ACSM1: variants seen among roughly 807,000 people sequenced by gnomAD.
The protein encoded by ACSM1 is acyl-coenzyme A synthetase ACSM1, mitochondrial.
A neutral mutation model predicts 75.8 loss-of-function variants in ACSM1; 79 were observed. That is an observed-to-expected ratio of 1.04 (90% CI 0.87 to 1.26). The LOEUF (loss-of-function observed/expected upper bound fraction) is 1.26. ACSM1 is among the 50% of genes most tolerant of loss of function. ACSM1 has a pLI of 0.00. For synonymous variants in ACSM1, 279 were observed against 265.8 expected, an observed-to-expected ratio of 1.05 and a Z score of -0.48; for missense variants, 676 against 720.1, an observed-to-expected ratio of 0.94 and a Z score of 0.70.
chr16:20,623,248 T>C lies in ACSM1; in HGVS notation c.*238A>G, dbSNP rs1166403847. 2.1e-6 allele frequency: 1 copy of C among 479,782 alleles called. No individual in the cohort carries two copies. The highest frequency in any genetic ancestry group is 3.8e-6 in the Non-Finnish European group (1 of 263,516). The allele number at this position is 479,782 out of a possible 1,614,324, so 29.7% of individuals were successfully genotyped here. A position where few individuals can be genotyped will look rare whatever the true frequency, so the allele number is the denominator to read the frequency against. ...CAACACAGGGTATTGTTGATATCAG[T>C]ATTTTATTACTTGCGTTATGAGTGC... On this transcript the variant is annotated 3_prime_UTR_variant, in exon 14 of 14. Coordinates refer to ENST00000520010, the MANE Select transcript of ACSM1 (RefSeq NM_001318890.3).
At chr16:20,655,204 T>C (rs1018995159) in intron 7 of ACSM1, among the ~76,000 whole-genome samples, 2 of 128,748 alleles carry the variant, frequency 1.6e-5, no homozygotes, top group Admixed American at 1.0e-4. Flanking sequence ...ACAATGAGAA[T>C]ACATGGACAC....
At chr16:20,684,428 C>T (rs1016579985) in intron 3 of ACSM1, among the ~76,000 whole-genome samples, 8 of 152,190 alleles carry the variant, frequency 5.3e-5, no homozygotes, top group Non-Finnish European at 8.8e-5. Context: ...AACAGTATAA[C>T]TGAAGAGGGA....
Position 20,685,203 on chromosome 16 carries a change from G to A in ACSM1, c.393C>T (p.Cys131=), listed in dbSNP as rs1201048659. ...VPEWWLVAVG[C]MRTGIIFIPA... is the part of the protein sequence containing the mutation. ...TCTTGCATCACTGACCTGTTCGCAT[G>A]CAGCCCACAGCCACCAGCCACCACT... The change falls in exon 3 of 14, where the codon TGC becomes TGT. Residue 131 remains cysteine (C), a synonymous_variant. Coordinates refer to ENST00000520010, the MANE Select transcript of ACSM1 (RefSeq NM_001318890.3). 1 of 1,614,028 alleles carries A rather than the reference G, an allele frequency of 6.2e-7. No individual in the cohort carries two copies. Among genetic ancestry groups the A allele is most frequent in the African/African-American group, 1.3e-5 (1 of 74,914 alleles).
chr16:20,637,579 G>T, intron 8 of ACSM1, 128 bp from the exon 9 acceptor site: 3 of 821,846 alleles, frequency 3.7e-6, no homozygotes, highest in South Asian at 1.5e-5. Context: ...TGCCCAAAGA[G>T]CCCTCGTAGG....
intron 4 of ACSM1, among the ~76,000 whole-genome samples, chr16:20,675,321 A>G (rs2020207401): frequency 6.6e-6 from 1 of 152,106 alleles, no homozygotes; most frequent in Non-Finnish European, 1.5e-5. Context: ...TAATGTGGGG[A>G]GGCACAGATC....
chr16:20,640,828 G>T (rs2018012838), intron 7 of ACSM1, among the ~76,000 whole-genome samples: 3 of 152,280 alleles, frequency 2.0e-5, no homozygotes, highest in East Asian at 1.9e-4. Flanking sequence ...GGGAATGTTT[G>T]GATTAAATTT....
intron 4 of ACSM1, among the ~76,000 whole-genome samples, chr16:20,677,974 C>T (rs1337415791): frequency 1.3e-5 from 2 of 149,396 alleles, no homozygotes; most frequent in Admixed American, 1.3e-4. Flanking sequence ...CAGAGATGCA[C>T]TGCAAGGGGC....
Position 20,624,123 on chromosome 16 carries a change from C to CA in ACSM1, c.1619dup (p.Thr541AspfsTer25), listed in dbSNP as rs755318122. ...TCCTTGGGTACTTGTATGGGGCTGT[C>CA]ACTGACTTGACATGCTGCTGCAGTT... On this transcript the variant is annotated frameshift_variant, in exon 13 of 14. Transcript: ENST00000520010. LOFTEE classifies it high-confidence loss of function. The CA allele has an allele frequency of 6.2e-7, 1 of 1,613,290 alleles. No homozygotes were observed. Among genetic ancestry groups the CA allele is most frequent in the East Asian group, 2.2e-5 (1 of 44,842 alleles).
chr16:20,661,793 C>G lies in ACSM1; in HGVS notation c.992+1G>C, dbSNP rs757336581. On this transcript the variant is annotated splice_donor_variant, in intron 7 of 13. Transcript: ENST00000520010. LOFTEE classifies it high-confidence loss of function. Reference sequence around the variant, plus strand: ...GTTGTTACAAGCCACTTCTACCATACCTGGTGAAATCCTGCTGCAGAATCA... The same window carrying G: ...GTTGTTACAAGCCACTTCTACCATAGCTGGTGAAATCCTGCTGCAGAATCA... The G allele has an allele frequency of 4.4e-6, 7 of 1,605,984 alleles. No individual in the cohort carries two copies. Among genetic ancestry groups the G allele is most frequent in the Non-Finnish European group, 6.0e-6 (7 of 1,173,928 alleles).
At chr16:20,697,557 A>ACACC (rs1491393881) in intron 1 of ACSM1, 79 bp downstream of exon 1, 1 of 650 alleles carries the variant, frequency 1.5e-3, no homozygotes, top group Non-Finnish European at 0.013. Flanking sequence ...AAATTGGATT[A>ACACC]CACACACACA....
chr16:20,667,793 A>C (rs1026381695), intron 6 of ACSM1, among the ~76,000 whole-genome samples: 5 of 152,240 alleles, frequency 3.3e-5, no homozygotes, highest in African/African-American at 9.6e-5. Context: ...AATGTGCTAC[A>C]TATACACCAT....
chr16:20,688,708 C>G (rs79553950), intron 2 of ACSM1, among the ~76,000 whole-genome samples: 1 of 151,856 alleles, frequency 6.6e-6, no homozygotes, highest in Non-Finnish European at 1.5e-5. Flanking sequence ...TTAGGGTATT[C>G]CCAGATAAAC....
chr16:20,682,820 A>G (rs1423495434), intron 3 of ACSM1, among the ~76,000 whole-genome samples: 1 of 152,222 alleles, frequency 6.6e-6, no homozygotes, highest in Non-Finnish European at 1.5e-5. Context: ...CTCTGACATC[A>G]AGAATAGCTG....
Position 20,691,207 on chromosome 16 carries a change from A to G in ACSM1, c.-19T>C. ...ACTGCATGGTGAAACAGTCCTCAGA[A>G]ACCAGGCACAGAGTTCTCAAGTCAC... On this transcript the variant is annotated 5_prime_UTR_variant, in exon 2 of 14. Coordinates refer to ENST00000520010, the MANE Select transcript of ACSM1 (RefSeq NM_001318890.3). 2 of 1,543,962 alleles carry G rather than the reference A, an allele frequency of 1.3e-6. No individual in the cohort carries two copies. The highest frequency in any genetic ancestry group is 1.7e-6 in the Non-Finnish European group (2 of 1,149,974).
At chr16:20,644,236 C>T (rs1017896108) in intron 7 of ACSM1, among the ~76,000 whole-genome samples, 8 of 152,152 alleles carry the variant, frequency 5.3e-5, no homozygotes, top group African/African-American at 4.8e-5. Context: ...GCAACTGCTT[C>T]GCTAGCAGAA....
rs901653572 is a variant in ACSM1 at position 20,648,181 on chromosome 16, G to C, written c.993-7597C>G. On this transcript the variant is annotated intron_variant, in intron 7 of 13. Coordinates refer to ENST00000520010, the MANE Select transcript of ACSM1 (RefSeq NM_001318890.3). This position sits in a 1 kb window ranked among gnomAD's most constrained non-coding sequence, Gnocchi z 4.2. ...CTATGCCTTTCTCATATCCAGGAGA[G>C]ACTGAGAATCTGACAACTTTAAAAG... Among the ~76,000 whole-genome samples the C allele has an allele frequency of 2.6e-5, 4 of 152,200 alleles. No individual in the cohort carries two copies. The highest frequency in any genetic ancestry group is 4.4e-5 in the Non-Finnish European group (3 of 68,044).
In ACSM1 at chr16:20,623,372, T is replaced by C. The variant is rs1159011431; in HGVS notation, c.*114A>G. 7 of 871,798 alleles carry C rather than the reference T, an allele frequency of 8.0e-6. No individual in the cohort carries two copies. In the African/African-American group the frequency reaches 8.4e-5, roughly 10 times the overall value. The allele number at this position is 871,798 out of a possible 1,614,324, so 54.0% of individuals were successfully genotyped here. A position where few individuals can be genotyped will look rare whatever the true frequency, so the allele number is the denominator to read the frequency against. ...AACATTGGAATCATGGCACTCCTGATACTTTCCCAAATCAACACTCTCAAT... is the reference window on the plus strand; with the variant it reads ...AACATTGGAATCATGGCACTCCTGACACTTTCCCAAATCAACACTCTCAAT... On this transcript the variant is annotated 3_prime_UTR_variant, in exon 14 of 14. Coordinates refer to ENST00000520010, the MANE Select transcript of ACSM1 (RefSeq NM_001318890.3).
chr16:20,659,992 T>C lies in ACSM1; in HGVS notation c.992+1802A>G, dbSNP rs529084178. Among the ~76,000 whole-genome samples the C allele has an allele frequency of 1.8e-3, 281 of 152,336 alleles. 1 individual carries two copies. The highest frequency in any genetic ancestry group is 5.7e-3 in the African/African-American group (238 of 41,584). On this transcript the variant is annotated intron_variant, in intron 7 of 13. Transcript: ENST00000520010. Reference sequence around the variant, plus strand: ...GTGTTTCTTAAATGTATTTGATTGATGTCTCACGCCTCCCTAAAATATATA... The same window carrying C: ...GTGTTTCTTAAATGTATTTGATTGACGTCTCACGCCTCCCTAAAATATATA...
chr16:20,664,607 C>T (rs899775763), intron 6 of ACSM1, among the ~76,000 whole-genome samples: 1 of 152,102 alleles, frequency 6.6e-6, no homozygotes, highest in African/African-American at 2.4e-5. Flanking sequence ...AGACAGAAAA[C>T]TAACAAAGAA....
Sources: allele counts gnomAD v4.1 joint callset (sites outside exome capture counted in the v4.1 genomes callset), GRCh38; gene constraint gnomAD v4.1.1; non-coding constraint Gnocchi (gnomAD v3.1); transcripts MANE v1.5; gene names NCBI Gene and HGNC (gene_info 2026-07-23, HGNC 2026-07-21).